Variants in FER observed in about 807,000 individuals in gnomAD.
FER encodes the protein tyrosine-protein kinase Fer.
A neutral mutation model predicts 111.0 loss-of-function variants in FER; 63 were observed. That is an observed-to-expected ratio of 0.57 (90% confidence interval 0.46 to 0.70). The LOEUF (loss-of-function observed/expected upper bound fraction) is 0.70, where lower values mean the gene tolerates loss of function less well. Ranked by LOEUF, FER falls within the 30% of genes least tolerant of loss-of-function variation. The probability of loss-of-function intolerance (pLI) is 0.00; values close to 1 mark genes in which losing one functional copy is unlikely to be tolerated. For missense variants in FER, 914 were observed against 954.0 expected, an observed-to-expected ratio of 0.96 and a Z score of 0.55; for synonymous variants, 327 against 313.9, an observed-to-expected ratio of 1.04 and a Z score of -0.44.
At chr5:108,749,922 A>G (rs1750273403) in intron 1 of FER, among the ~76,000 whole-genome samples, 1 of 152,180 alleles carries the variant, frequency 6.6e-6, no homozygotes, top group Non-Finnish European at 1.5e-5. Context: ...TACGTTTGCG[A>G]TTTTGCCATC....
rs1044371166 is a variant in FER at position 108,855,611 on chromosome 5, G to A, written c.482-12156G>A. Among the ~76,000 whole-genome samples, 407 of 131,434 alleles carry A rather than the reference G, an allele frequency of 3.1e-3. 1 individual carries two copies. The highest frequency in any genetic ancestry group is 0.011 in the African/African-American group (358 of 33,982). The allele number at this position is 131,434 out of a possible 152,430, so 86.2% of individuals were successfully genotyped here. ...ACTCCAGCGAAAAAAAAAAAAAAAAGAATACAAAAGACCAATGTAAAAGGA... is the reference window on the plus strand; with the variant it reads ...ACTCCAGCGAAAAAAAAAAAAAAAAAAATACAAAAGACCAATGTAAAAGGA... On this transcript the variant is annotated intron_variant, in intron 5 of 19. Coordinates refer to ENST00000281092, the MANE Select transcript of FER (RefSeq NM_005246.4).
At chr5:108,750,593 T>C (rs1256569854) in intron 1 of FER, among the ~76,000 whole-genome samples, 1 of 152,262 alleles carries the variant, frequency 6.6e-6, no homozygotes, top group Non-Finnish European at 1.5e-5. Context: ...AACTATGTAG[T>C]GTCAAGTTGT....
At chr5:108,820,309 G>A (rs1321895299) in intron 3 of FER, 2 of 985,196 alleles carry the variant, frequency 2.0e-6, no homozygotes, top group African/African-American at 3.5e-5. Context: ...GAACTGAAAG[G>A]GACTGTGAAG....
intron 17 of FER, among the ~76,000 whole-genome samples, chr5:109,160,778 C>G (rs1341543734): frequency 6.6e-6 from 1 of 152,092 alleles, no homozygotes; most frequent in Non-Finnish European, 1.5e-5. Flanking sequence ...ACAAACCAAC[C>G]TTTGGGACCA....
At chr5:108,986,553 A>G (rs143803922) in intron 13 of FER, among the ~76,000 whole-genome samples, 1,803 of 152,074 alleles carry the variant, frequency 0.012, 18 homozygotes, top group Non-Finnish European at 0.02. Flanking sequence ...TTCTGATGTT[A>G]TCTTTTAGTA....
chr5:109,000,172 C>T (rs1057022675), intron 13 of FER, among the ~76,000 whole-genome samples: 1 of 151,114 alleles, frequency 6.6e-6, no homozygotes, highest in East Asian at 1.9e-4. Flanking sequence ...TTATTTGAGA[C>T]TAAATTGACT....
chr5:108,788,643 C>T (rs1232027387), intron 2 of FER, among the ~76,000 whole-genome samples: 1 of 151,802 alleles, frequency 6.6e-6, no homozygotes, highest in African/African-American at 2.4e-5. Flanking sequence ...CAGTCTTGGA[C>T]TGCCAGGTTC....
intron 2 of FER, among the ~76,000 whole-genome samples, chr5:108,794,148 A>G (rs924970367): frequency 2.0e-5 from 3 of 151,402 alleles, no homozygotes; most frequent in East Asian, 1.9e-4. Context: ...GTACCTTCAG[A>G]TGATTCGTTA....
Position 109,190,073 on chromosome 5 carries a change from G to GCAAA in FER, c.*2501_*2504dup, listed in dbSNP as rs1272281409. The GCAAA allele has an allele frequency of 6.6e-6, 1 of 151,994 alleles. No homozygotes were observed. The highest frequency in any genetic ancestry group is 1.5e-5 in the Non-Finnish European group (1 of 67,982). 9.4% of individuals were successfully genotyped at this position (151,994 alleles called of 1,614,324 possible). On this transcript the variant is annotated 3_prime_UTR_variant, in exon 20 of 20. Transcript: ENST00000281092. ...GTCACATGCATTAAGAAAAACTTAC[G>GCAAA]CAAACAGTTTTTCACTGTTAATTTT...
At chr5:109,049,383 A>G (rs1772434879) in intron 16 of FER, among the ~76,000 whole-genome samples, 1 of 152,182 alleles carries the variant, frequency 6.6e-6, no homozygotes, top group Non-Finnish European at 1.5e-5. Context: ...TTGCAGCTAT[A>G]TGTCTAAAGT....
At chr5:108,966,723 A>G (rs1759897001) in intron 13 of FER, among the ~76,000 whole-genome samples, 1 of 152,102 alleles carries the variant, frequency 6.6e-6, no homozygotes, top group African/African-American at 2.4e-5. Flanking sequence ...TGGACTTTGG[A>G]AAGCATTTCT....
intron 13 of FER, among the ~76,000 whole-genome samples, chr5:109,029,460 A>C (rs1427863): frequency 0.55 from 69,967 of 127,898 alleles, 20,339 homozygotes; most frequent in African/African-American, 0.64. Context: ...TAATTAGAGA[A>C]AGAGTCCCAC....
intron 5 of FER, among the ~76,000 whole-genome samples, chr5:108,851,450 A>G (rs938216188): frequency 3.9e-5 from 6 of 152,186 alleles, no homozygotes; most frequent in African/African-American, 1.2e-4. Flanking sequence ...TGGGAATTCA[A>G]CATGAGATTT....
intron 16 of FER, among the ~76,000 whole-genome samples, chr5:109,089,565 C>G (rs1299422530): frequency 6.6e-6 from 1 of 152,092 alleles, no homozygotes; most frequent in Non-Finnish European, 1.5e-5. Flanking sequence ...TACTGAGACA[C>G]TGACTTAATA....
chr5:108,750,835 T>A (rs970191089), intron 1 of FER, among the ~76,000 whole-genome samples: 1 of 152,190 alleles, frequency 6.6e-6, no homozygotes, highest in African/African-American at 2.4e-5. Context: ...AATAACGATT[T>A]CAAGACCACT....
chr5:109,108,920 GCC>G (rs145103169), intron 17 of FER, among the ~76,000 whole-genome samples: 2,331 of 152,132 alleles, frequency 0.015, 33 homozygotes, highest in Non-Finnish European at 0.021. Context: ...TGGGTTCTTT[GCC>G]CAATTATTGT....
intron 3 of FER, among the ~76,000 whole-genome samples, chr5:108,824,671 A>T (rs1172434273): frequency 6.6e-6 from 1 of 152,200 alleles, no homozygotes; most frequent in Admixed American, 6.5e-5. Context: ...TTTAAAAAAG[A>T]AAAAAGAAAA....
At chr5:108,789,710 C>G (rs191512429) in intron 2 of FER, among the ~76,000 whole-genome samples, 1 of 151,826 alleles carries the variant, frequency 6.6e-6, no homozygotes, top group East Asian at 1.9e-4. Flanking sequence ...TCAAGTGATT[C>G]TTGTGTCTCA....
intron 13 of FER, among the ~76,000 whole-genome samples, chr5:108,959,703 A>G (rs1581400546): frequency 6.6e-6 from 1 of 152,032 alleles, no homozygotes; most frequent in Non-Finnish European, 1.5e-5. Flanking sequence ...AATGTCTAGC[A>G]GTTAGGAATA....
Sources: allele counts gnomAD v4.1 joint callset (sites outside exome capture counted in the v4.1 genomes callset), GRCh38; gene constraint gnomAD v4.1.1; transcripts MANE v1.5; gene names NCBI Gene and HGNC (gene_info 2026-07-23, HGNC 2026-07-21).